RIMS2: variants seen among roughly 807,000 people sequenced by gnomAD.
RIMS2 encodes the protein regulating synaptic membrane exocytosis 2.
RIMS2 carries 59 observed loss-of-function variants against 174.4 expected under a neutral mutation model. That is an observed-to-expected ratio of 0.34 (90% CI 0.27 to 0.42). RIMS2 has a LOEUF of 0.42. Among genes scored for constraint, RIMS2 ranks in the 10% least tolerant of loss-of-function variants. The probability of loss-of-function intolerance (pLI) is 1.00; values close to 1 mark genes in which losing one functional copy is unlikely to be tolerated. For synonymous variants in RIMS2, 606 were observed against 572.5 expected (o/e 1.06, Z -0.84); for missense variants, 1,620 against 1,666.3 (o/e 0.97, Z 0.48).
At chr8:103,625,600 A>G (rs1316867513) in intron 1 of RIMS2, among the ~76,000 whole-genome samples, 4 of 152,204 alleles carry the variant, frequency 2.6e-5, no homozygotes, top group Non-Finnish European at 4.4e-5. Context: ...AGACCGTTTA[A>G]CATAGTATGA....
chr8:103,622,576 T>C (rs1351584050), intron 1 of RIMS2, among the ~76,000 whole-genome samples: 1 of 152,214 alleles, frequency 6.6e-6, no homozygotes, highest in Non-Finnish European at 1.5e-5. Flanking sequence ...CCTATGATTA[T>C]AGCCAGGTCA....
Position 103,519,543 on chromosome 8 carries a change from T to A in RIMS2, c.176+18481T>A, listed in dbSNP as rs573519776. On this transcript the variant is annotated intron_variant, in intron 1 of 23. Coordinates refer to ENST00000504942, the Ensembl canonical transcript of RIMS2. ...CTCTTACCCCACAATTCTCATTTAT[T>A]TCTCTGATTCATGGTTAATCTTTGT... is the stretch of plus-strand genomic sequence containing the variant. Among the ~76,000 whole-genome samples the A allele has an allele frequency of 1.2e-4, 19 of 152,252 alleles. No homozygotes were observed. The South Asian group carries it at 3.9e-3, about 32-fold the overall frequency.
intron 3 of RIMS2, among the ~76,000 whole-genome samples, chr8:103,866,032 A>G (rs1427751468): frequency 6.6e-6 from 1 of 152,142 alleles, no homozygotes; most frequent in East Asian, 1.9e-4. Context: ...CTTTAGTTTC[A>G]CTTTTCCAGA....
At chr8:103,920,739 C>G (rs548514469) in intron 9 of RIMS2, 48 of 455,790 alleles carry the variant, frequency 1.1e-4, no homozygotes, top group African/African-American at 7.0e-4. Context: ...CGTGTAATCC[C>G]AGCACTTTGG....
At chr8:103,782,923 T>G (rs2098405372) in intron 3 of RIMS2, among the ~76,000 whole-genome samples, 1 of 152,228 alleles carries the variant, frequency 6.6e-6, no homozygotes, top group Non-Finnish European at 1.5e-5. Context: ...TTTCTATATC[T>G]GTATAATGAA....
chr8:103,584,616 A>T (rs2093804675), intron 1 of RIMS2, among the ~76,000 whole-genome samples: 1 of 152,188 alleles, frequency 6.6e-6, no homozygotes, highest in Non-Finnish European at 1.5e-5. Flanking sequence ...GAGTTTTAAT[A>T]GTTTGCTCTT....
intron 19 of RIMS2, among the ~76,000 whole-genome samples, chr8:104,026,423 G>C (rs1435681493): frequency 6.6e-6 from 1 of 151,912 alleles, no homozygotes; most frequent in African/African-American, 2.4e-5. Context: ...TTTGGTTTTG[G>C]AAAGTTAACA....
intron 19 of RIMS2, among the ~76,000 whole-genome samples, chr8:104,099,444 T>C (rs952622153): frequency 6.6e-6 from 1 of 152,188 alleles, no homozygotes; most frequent in African/African-American, 2.4e-5. Flanking sequence ...CCAAATAACT[T>C]CTACTCTGTT....
At chr8:103,726,764 G>T (rs909590457) in intron 2 of RIMS2, among the ~76,000 whole-genome samples, 2 of 146,964 alleles carry the variant, frequency 1.4e-5, no homozygotes, top group Admixed American at 6.8e-5. Context: ...ACAGAGTCTC[G>T]CTTTGTAGCT....
chr8:104,048,653 G>T (rs1439033555), intron 19 of RIMS2, among the ~76,000 whole-genome samples: 1 of 152,034 alleles, frequency 6.6e-6, no homozygotes, highest in Non-Finnish European at 1.5e-5. Context: ...AAATAATGGG[G>T]CAATGGCTAA....
intron 15 of RIMS2, among the ~76,000 whole-genome samples, chr8:103,964,470 T>C (rs1354036707): frequency 6.6e-6 from 1 of 152,184 alleles, no homozygotes; most frequent in Admixed American, 6.6e-5. Context: ...TCTTTGGTGA[T>C]GTGTCTGCTC....
At chr8:103,603,553 G>C (rs1228896782) in intron 1 of RIMS2, among the ~76,000 whole-genome samples, 1 of 152,126 alleles carries the variant, frequency 6.6e-6, no homozygotes, top group Non-Finnish European at 1.5e-5. Context: ...TCTAGTTCTG[G>C]ATCCCTGATG....
chr8:103,599,686 A>T (rs1315693312), intron 1 of RIMS2, among the ~76,000 whole-genome samples: 1 of 151,930 alleles, frequency 6.6e-6, no homozygotes, highest in Non-Finnish European at 1.5e-5. Flanking sequence ...TCTAGGCTCA[A>T]GTGATCCTCT....
chr8:104,160,260 C>T (rs759790961), intron 19 of RIMS2, among the ~76,000 whole-genome samples: 1 of 152,162 alleles, frequency 6.6e-6, no homozygotes, highest in Non-Finnish European at 1.5e-5. Flanking sequence ...TTCATTTTTA[C>T]ATCTCTGGTA....
At chr8:103,826,397 G>T in intron 3 of RIMS2, among the ~76,000 whole-genome samples, 2 of 150,626 alleles carry the variant, frequency 1.3e-5, no homozygotes, top group African/African-American at 2.4e-5. Flanking sequence ...ATTAATTTTT[G>T]TGTATATAGT....
intron 19 of RIMS2, 73 bp downstream of exon 22, chr8:104,041,431 TA>T: frequency 1.6e-6 from 1 of 640,688 alleles, no homozygotes. Flanking sequence ...ATCATTTTTT[TA>T]CTCATTTCAT....
chr8:103,542,462 G>A (rs376621402), intron 1 of RIMS2, among the ~76,000 whole-genome samples: 5 of 152,164 alleles, frequency 3.3e-5, no homozygotes, highest in African/African-American at 7.2e-5. Context: ...TAAATGAAGA[G>A]GAGTGAATAC....
intron 3 of RIMS2, among the ~76,000 whole-genome samples, chr8:103,816,265 A>G (rs2098717986): frequency 6.6e-6 from 1 of 152,208 alleles, no homozygotes; most frequent in African/African-American, 2.4e-5. Flanking sequence ...TAAATAAATA[A>G]AATAAACACT....
intron 19 of RIMS2, among the ~76,000 whole-genome samples, chr8:104,194,486 A>G (rs538573311): frequency 6.6e-6 from 1 of 152,298 alleles, no homozygotes; most frequent in Non-Finnish European, 1.5e-5. Flanking sequence ...TACGCTTTAG[A>G]TATAGGGTGG....
Sources: allele counts gnomAD v4.1 joint callset (sites outside exome capture counted in the v4.1 genomes callset), GRCh38; gene constraint gnomAD v4.1.1; transcripts MANE v1.5; gene names NCBI Gene and HGNC (gene_info 2026-07-23, HGNC 2026-07-21).